The following WDFY3 variants were observed in gnomAD, a reference collection of about 807,000 sequenced individuals.
The protein encoded by WDFY3 is WD repeat and FYVE domain-containing protein 3.
WDFY3 carries 66 observed loss-of-function variants against 409.6 expected under a neutral mutation model. The observed-to-expected ratio is 0.16, with a 90% CI of 0.13 to 0.20. The LOEUF (loss-of-function observed/expected upper bound fraction) is 0.20, where lower values mean the gene tolerates loss of function less well. WDFY3 is among the 10% of genes least tolerant of loss of function. WDFY3 has a pLI of 1.00. For missense variants in WDFY3, 3,031 were observed against 4,298.1 expected (o/e 0.71, Z 8.24); for synonymous variants, 1,521 against 1,537.1 (o/e 0.99, Z 0.25).
At chr4:84,837,169 C>T (rs748181524) in intron 6 of WDFY3, 79 bp from the exon 7 acceptor site, 26 of 1,246,724 alleles carry the variant, frequency 2.1e-5, no homozygotes, top group Admixed American at 6.3e-5. Flanking sequence ...CAAATGTTAA[C>T]CCAAAAATTA....
In WDFY3 at chr4:84,713,174, G is replaced by A. The variant is rs759539775; in HGVS notation, c.8027C>T (p.Thr2676Met). 2.0e-5 allele frequency: 32 copies of A among 1,613,992 alleles called. No individual in the cohort carries two copies. The highest frequency in any genetic ancestry group is 9.9e-5 in the South Asian group (9 of 91,082). The change falls in exon 51 of 68, where the codon ACG becomes ATG. Residue 2676 changes from threonine (T) to methionine (M), a missense_variant. Coordinates refer to ENST00000295888, the MANE Select transcript of WDFY3 (RefSeq NM_014991.6). ...AACCACCTACCCCTGCTCCACACTCGTGTTTGGTCGTTGCCCAGATACAGA... is the reference window on the plus strand; with the variant it reads ...AACCACCTACCCCTGCTCCACACTCATGTTTGGTCGTTGCCCAGATACAGA... ...SESVSGQRPNTSVEQGSGLLS... is the reference protein window; with the variant it reads ...SESVSGQRPNMSVEQGSGLLS...
At position 84,966,380 on chromosome 4, in the gene WDFY3, T is replaced by G. The variant is rs1775766284; in HGVS notation, c.-397A>C. 1 of 150,432 alleles carries G rather than the reference T, an allele frequency of 6.6e-6. No individual in the cohort carries two copies. The allele number at this position is 150,432 out of a possible 1,614,324, so 9.3% of individuals were successfully genotyped here. A position where few individuals can be genotyped will look rare whatever the true frequency, so the allele number is the denominator to read the frequency against. ...GCCGGGGGCCGGGGCCCGAGCTCGA[T>G]TCTGCGGCCGCGAGGTATGGGAACC... On this transcript the variant is annotated 5_prime_UTR_variant, in exon 1 of 68. Coordinates refer to ENST00000295888, the MANE Select transcript of WDFY3 (RefSeq NM_014991.6).
Position 84,798,003 on chromosome 4 carries a change from T to A in WDFY3, c.2928A>T (p.Glu976Asp). Residue 976 changes from glutamate to aspartate, a missense_variant, in exon 18 of 68, where the codon GAA (glutamate) becomes GAT (aspartate). Glu to Asp is a conservative substitution (Grantham distance 45). Coordinates refer to ENST00000295888, the MANE Select transcript of WDFY3 (RefSeq NM_014991.6). Reference protein sequence around the residue: ...HKPSSLSYEPEMRSSMITSLE... With the variant: ...HKPSSLSYEPDMRSSMITSLE... ...GGGAATTTCAAAACTTACTTCTCAT[T>A]TCTGGTTCATAACTCAGTGAACTTG... is the stretch of plus-strand genomic sequence containing the variant. 1 of 1,606,492 alleles carries A rather than the reference T, an allele frequency of 6.2e-7. No individual in the cohort carries two copies. The highest frequency in any genetic ancestry group is 8.5e-7 in the Non-Finnish European group (1 of 1,177,106).
intron 2 of WDFY3, among the ~76,000 whole-genome samples, chr4:84,928,636 T>C (rs1332905920): frequency 1.3e-5 from 2 of 152,164 alleles, no homozygotes; most frequent in Non-Finnish European, 2.9e-5. Context: ...GCCAGTTTGG[T>C]GTATTAAATA....
At chr4:84,894,877 G>C (rs546955541) in intron 3 of WDFY3, among the ~76,000 whole-genome samples, 4 of 151,524 alleles carry the variant, frequency 2.6e-5, no homozygotes, top group East Asian at 1.9e-4. Flanking sequence ...TTGAACCTGG[G>C]GGGAGGAGAT....
intron 2 of WDFY3, among the ~76,000 whole-genome samples, chr4:84,923,345 C>A (rs1462643349): frequency 6.6e-6 from 1 of 152,154 alleles, no homozygotes; most frequent in Admixed American, 6.5e-5. Flanking sequence ...CTTAACATCC[C>A]AACCACTTCT....
intron 3 of WDFY3, among the ~76,000 whole-genome samples, chr4:84,878,880 CTG>C (rs1223092414): frequency 6.6e-6 from 1 of 152,182 alleles, no homozygotes; most frequent in Admixed American, 6.5e-5. Flanking sequence ...ACTGCACACT[CTG>C]TGTTTGCATC....
chr4:84,913,288 A>G (rs1299022770), intron 2 of WDFY3, among the ~76,000 whole-genome samples: 7 of 152,210 alleles, frequency 4.6e-5, no homozygotes. Flanking sequence ...GACACCATAG[A>G]AGATGCCATC....
At chr4:84,706,796 G>A (rs1732027613) in intron 53 of WDFY3, among the ~76,000 whole-genome samples, 5 of 152,002 alleles carry the variant, frequency 3.3e-5, no homozygotes, top group Admixed American at 3.3e-4. Context: ...GAACTGGGGT[G>A]CCCCACGATA....
chr4:84,780,442 T>C (rs1258015196), intron 25 of WDFY3, 144 bp from the exon 26 acceptor site: 20 of 961,738 alleles, frequency 2.1e-5, no homozygotes, highest in Non-Finnish European at 5.8e-6. Context: ...AGGGAAAGCA[T>C]TAAAGGTAGA....
chr4:84,680,311 C>T (rs1727141199), intron 64 of WDFY3, among the ~76,000 whole-genome samples: 1 of 150,570 alleles, frequency 6.6e-6, no homozygotes, highest in Admixed American at 6.6e-5. Context: ...TTTTTACATA[C>T]ATGGATCTTG....
Position 84,704,944 on chromosome 4 carries a change from G to A in WDFY3, c.8335+450C>T, listed in dbSNP as rs967602118. Among the ~76,000 whole-genome samples the A allele has an allele frequency of 5.9e-5, 9 of 152,092 alleles. No individual in the cohort carries two copies. In the East Asian group the frequency reaches 1.3e-3, roughly 23 times the overall value. Reference sequence around the variant, plus strand: ...TCTCCTTTGTTTTGCCTTTTTGAGGGAGAAACACCATAAACATTAAACATA... The same window carrying A: ...TCTCCTTTGTTTTGCCTTTTTGAGGAAGAAACACCATAAACATTAAACATA... On this transcript the variant is annotated intron_variant, in intron 54 of 67. Coordinates refer to ENST00000295888, the MANE Select transcript of WDFY3 (RefSeq NM_014991.6).
Position 84,751,489 on chromosome 4 carries a change from C to A in WDFY3, c.5967G>T (p.Leu1989Phe). ...TGCGTTTCTTTTTCTTTACCTCCAA[C>A]AAAAGATCAATTAGTGGAGTTTGCT... is the stretch of plus-strand genomic sequence containing the variant. The part of the protein sequence containing the change: ...ASKQTPLIDL[L>F]LEASPERSTR... Residue 1989 changes from leucine to phenylalanine, a missense_variant, in exon 36 of 68, where the codon TTG (leucine) becomes TTT (phenylalanine). Leu to Phe is a conservative substitution (Grantham distance 22). Coordinates refer to ENST00000295888, the MANE Select transcript of WDFY3 (RefSeq NM_014991.6). The A allele has an allele frequency of 6.2e-7, 1 of 1,614,024 alleles. No homozygotes were observed. The highest frequency in any genetic ancestry group is 8.5e-7 in the Non-Finnish European group (1 of 1,179,916).
At chr4:84,936,907 A>G (rs1771488947) in intron 1 of WDFY3, among the ~76,000 whole-genome samples, 1 of 152,088 alleles carries the variant, frequency 6.6e-6, no homozygotes, top group Non-Finnish European at 1.5e-5. Context: ...TAGAACACCA[A>G]TGTCATTGCT....
intron 2 of WDFY3, among the ~76,000 whole-genome samples, chr4:84,912,751 A>C (rs977387925): frequency 1.5e-4 from 23 of 152,210 alleles, no homozygotes; most frequent in Admixed American, 2.0e-4. Flanking sequence ...TCTAAAAAAA[A>C]AGAAAAAACA....
chr4:84,812,266 T>C (rs1376876181), intron 13 of WDFY3, among the ~76,000 whole-genome samples: 2 of 152,202 alleles, frequency 1.3e-5, no homozygotes, highest in African/African-American at 2.4e-5. Flanking sequence ...TTAGTTTCCC[T>C]ATCTTGTCAA....
intron 3 of WDFY3, among the ~76,000 whole-genome samples, chr4:84,868,611 T>A (rs761401012): frequency 6.6e-6 from 1 of 152,168 alleles, no homozygotes; most frequent in African/African-American, 2.4e-5. Flanking sequence ...GTGTGCTTAA[T>A]TTTTTTCCTA....
intron 5 of WDFY3, chr4:84,844,565 T>C: frequency 7.9e-7 from 1 of 1,266,956 alleles, no homozygotes; most frequent in Non-Finnish European, 1.0e-6. Flanking sequence ...ATTCCACTAA[T>C]CCCACCACAA....
intron 62 of WDFY3, among the ~76,000 whole-genome samples, chr4:84,686,998 T>A (rs1728435259): frequency 6.6e-6 from 1 of 152,240 alleles, no homozygotes; most frequent in Non-Finnish European, 1.5e-5. Context: ...TATTTATTTC[T>A]GAAAACAGCA....
Sources: gnomAD v4.1 joint callset for allele counts (sites outside exome capture counted in the v4.1 genomes callset) on GRCh38, gnomAD v4.1.1 for gene constraint, MANE v1.5 for transcripts, NCBI Gene and HGNC (gene_info 2026-07-23, HGNC 2026-07-21) for gene names.